The following CIB3 variants were observed in gnomAD, a reference collection of about 807,000 sequenced individuals.
CIB3 encodes the protein calcium and integrin binding family member 3.
CIB3 carries 22 observed loss-of-function variants against 23.4 expected under a neutral mutation model. The ratio of observed to expected loss-of-function variants is 0.94; its 90% CI spans 0.67 to 1.34. The LOEUF is 1.34. Ranked by LOEUF, CIB3 falls within the 40% of genes most tolerant of loss-of-function variation. The pLI, the probability that CIB3 is intolerant of heterozygous loss-of-function variation, is 0.00. For synonymous variants in CIB3, 93 were observed against 95.8 expected, an observed-to-expected ratio of 0.97 and a Z score of 0.17; for missense variants, 258 against 247.3, an observed-to-expected ratio of 1.04 and a Z score of -0.29.
chr19:16,162,057 T>C (rs2091286793), intron 5 of CIB3, among the ~76,000 whole-genome samples: 1 of 151,902 alleles, frequency 6.6e-6, no homozygotes, highest in Non-Finnish European at 1.5e-5. Flanking sequence ...GATACATGTT[T>C]GAGATGATGG....
rs753464318 is a variant in CIB3, at chr19:16,164,950, G to T, written c.347-37C>A. 3 of 1,585,440 alleles carry T rather than the reference G, an allele frequency of 1.9e-6. 1 individual carries two copies. The South Asian group carries it at 3.3e-5, about 18-fold the overall frequency. ...GATGGATGGGGAGTGACAGCAGGTG[G>T]CAGGAGGGCTAGGCCGGCTGTGGGC... On this transcript the variant is annotated intron_variant, in intron 4 of 5. Coordinates refer to ENST00000269878, the MANE Select transcript of CIB3 (RefSeq NM_054113.4).
chr19:16,163,840 A>G (rs2091294804), intron 5 of CIB3, among the ~76,000 whole-genome samples: 1 of 152,214 alleles, frequency 6.6e-6, no homozygotes. Flanking sequence ...ACAAGCAGCC[A>G]TAGACAAAAT....
intron 4 of CIB3, among the ~76,000 whole-genome samples, chr19:16,166,882 C>T (rs903113698): frequency 1.3e-5 from 2 of 152,182 alleles, no homozygotes; most frequent in Admixed American, 1.3e-4. Context: ...GAGTTCAAGA[C>T]CAGCCTGGCC....
intron 2 of CIB3, among the ~76,000 whole-genome samples, chr19:16,170,683 G>A (rs1372173740): frequency 2.6e-5 from 4 of 151,978 alleles, no homozygotes; most frequent in South Asian, 2.1e-4. Context: ...TTAGCTGGGC[G>A]TGGTGACGGG....
At chr19:16,165,688 C>T (rs1432863021) in intron 4 of CIB3, among the ~76,000 whole-genome samples, 1 of 152,112 alleles carries the variant, frequency 6.6e-6, no homozygotes, top group African/African-American at 2.4e-5. Flanking sequence ...GGTGATCCAC[C>T]CACCTCGGTC....
At chr19:16,164,984 T>A in intron 4 of CIB3, 71 bp from the exon 5 acceptor site, 1 of 1,335,036 alleles carries the variant, frequency 7.5e-7, no homozygotes, top group Middle Eastern at 1.8e-4. Context: ...GCACATACTG[T>A]GCCCATGTTA....
rs532690999 is a variant in CIB3, at chr19:16,164,847, C to G, written c.413G>C (p.Gly138Ala). ...LEQTVTKLTR[G>A]GLSAEEVSLV... ...GCTCACCTCCTCGGCACTCAGCCCC[C>G]CCCGCGTCAGTTTGGTCACCGTCTG... Residue 138 changes from glycine to alanine, a missense_variant, in exon 5 of 6, where the codon GGG becomes GCG. Transcript: ENST00000269878. The G allele has an allele frequency of 6.2e-7, 1 of 1,613,960 alleles. No homozygotes were observed. Among genetic ancestry groups the G allele is most frequent in the Non-Finnish European group, 8.5e-7 (1 of 1,180,028 alleles).
intron 3 of CIB3, 73 bp downstream of exon 3, chr19:16,169,554 GCAC>G (rs1290477165): frequency 1.5e-6 from 2 of 1,294,686 alleles, no homozygotes; most frequent in African/African-American, 2.9e-5. Flanking sequence ...GATAACTGCA[GCAC>G]TGACCTCAGA....
At chr19:16,162,624 G>A (rs2091289197) in intron 5 of CIB3, among the ~76,000 whole-genome samples, 1 of 151,792 alleles carries the variant, frequency 6.6e-6, no homozygotes, top group Admixed American at 6.6e-5. Context: ...CGTGGTGGCG[G>A]GCGCCTGTAA....
In CIB3 at chr19:16,168,549, T is replaced by A. The variant is rs141713914; in HGVS notation, c.199-265A>T. Among the ~76,000 whole-genome samples the A allele has an allele frequency of 2.0e-3, 308 of 152,254 alleles. 2 individuals are homozygous for A. Among genetic ancestry groups the A allele is most frequent in the African/African-American group, 7.2e-3 (299 of 41,544 alleles). ...TCAGAGAGTTCCATTCACCTGGCAA[T>A]AGTGATTGGCTCTGTGATGGGCATG... On this transcript the variant is annotated intron_variant, in intron 3 of 5. Transcript: ENST00000269878.
intron 5 of CIB3, among the ~76,000 whole-genome samples, chr19:16,162,812 C>CAGGCACAGTGGCACGTACCTGT (rs2091290045): frequency 2.0e-5 from 3 of 151,326 alleles, no homozygotes; most frequent in Non-Finnish European, 4.4e-5. Flanking sequence ...CAAAATTAGC[C>CAGGCACAGTGGCACGTACCTGT]AGGCACAGTG....
chr19:16,162,171 C>T (rs1369297223), intron 5 of CIB3, among the ~76,000 whole-genome samples: 1 of 148,828 alleles, frequency 6.7e-6, no homozygotes, highest in African/African-American at 2.5e-5. Context: ...CTTTGGGAGG[C>T]CAAGGCAGGA....
In CIB3 at chr19:16,164,712, C is replaced by T. The variant is rs2091298069; in HGVS notation, c.542+6G>A. 1.9e-6 allele frequency: 3 copies of T among 1,612,660 alleles called. No homozygotes were observed. The highest frequency in any genetic ancestry group is 2.7e-5 in the African/African-American group (2 of 74,986). On this transcript the variant is annotated splice_donor_region_variant and intron_variant, in intron 5 of 5. Coordinates refer to ENST00000269878, the MANE Select transcript of CIB3 (RefSeq NM_054113.4). ...ATGGACTGTGGGCGGTGACGGAGAG[C>T]ATCACCTGAGGAAGTCTGGTGCCCG...
At chr19:16,168,639 A>G (rs1391907656) in intron 3 of CIB3, among the ~76,000 whole-genome samples, 3 of 152,090 alleles carry the variant, frequency 2.0e-5, no homozygotes, top group Non-Finnish European at 4.4e-5. Context: ...GAGGGAGGGG[A>G]CCTGATTACT....
intron 3 of CIB3, among the ~76,000 whole-genome samples, chr19:16,168,550 A>G (rs2091315349): frequency 6.6e-6 from 1 of 152,198 alleles, no homozygotes; most frequent in Non-Finnish European, 1.5e-5. Flanking sequence ...ACCTGGCAAT[A>G]GTGATTGGCT....
chr19:16,170,613 G>T (rs2091323790), intron 2 of CIB3, among the ~76,000 whole-genome samples: 1 of 152,002 alleles, frequency 6.6e-6, no homozygotes, highest in African/African-American at 2.4e-5. Context: ...CAGAGGTCAG[G>T]AGTTCGAGAC....
intron 5 of CIB3, among the ~76,000 whole-genome samples, chr19:16,163,007 A>T (rs2091291331): frequency 6.8e-6 from 1 of 147,138 alleles, no homozygotes; most frequent in African/African-American, 2.5e-5. Context: ...CTCCTGCCTC[A>T]GCCTCCCGAG....
At chr19:16,166,616 C>A (rs1212920470) in intron 4 of CIB3, among the ~76,000 whole-genome samples, 1 of 152,170 alleles carries the variant, frequency 6.6e-6, no homozygotes, top group Non-Finnish European at 1.5e-5. Flanking sequence ...GCACCTACTA[C>A]ATGTTGGGCA....
Position 16,173,406 on chromosome 19 carries a change from C to T in CIB3, c.51+19G>A. ...CAAAGTTGTCAAACCCACTGAGGAC[C>T]CATCCTGCCCCCCTCTACCTGATAC... On this transcript the variant is annotated intron_variant, in intron 1 of 5. Coordinates refer to ENST00000269878, the MANE Select transcript of CIB3 (RefSeq NM_054113.4). 22 of 1,611,104 alleles carry T rather than the reference C, an allele frequency of 1.4e-5. No homozygotes were observed. Among genetic ancestry groups the T allele is most frequent in the Non-Finnish European group, 1.9e-5 (22 of 1,177,264 alleles).
Sources: gnomAD v4.1 joint callset for allele counts (sites outside exome capture counted in the v4.1 genomes callset) on GRCh38, gnomAD v4.1.1 for gene constraint, MANE v1.5 for transcripts, NCBI Gene and HGNC (gene_info 2026-07-23, HGNC 2026-07-21) for gene names.